MINDY4: variants seen among roughly 807,000 people sequenced by gnomAD.
MINDY4 encodes the protein MINDY lysine 48 deubiquitinase 4, also known as probable ubiquitin carboxyl-terminal hydrolase MINDY-4.
In MINDY4, 68 loss-of-function variants were observed where a neutral mutation model predicts 87.0. That is an observed-to-expected ratio of 0.78 (90% CI 0.64 to 0.96). The LOEUF (loss-of-function observed/expected upper bound fraction) is 0.96, where lower values mean the gene tolerates loss of function less well. MINDY4 is among the 40% of genes least tolerant of loss of function. The pLI is 0.00. For synonymous variants in MINDY4, 379 were observed against 363.2 expected (o/e 1.04, Z -0.50); for missense variants, 919 against 928.2 (o/e 0.99, Z 0.13).
chr7:30,818,695 G>T (rs1051825968), intron 5 of MINDY4, among the ~76,000 whole-genome samples: 1 of 152,190 alleles, frequency 6.6e-6, no homozygotes, highest in African/African-American at 2.4e-5. Context: ...GAACACATCA[G>T]TAAAACTCTT....
Position 30,791,216 on chromosome 7 carries a change from A to G in MINDY4, c.715A>G (p.Thr239Ala). 6.2e-7 allele frequency: 1 copy of G among 1,613,980 alleles called. No homozygotes were observed. Among genetic ancestry groups the G allele is most frequent in the Non-Finnish European group, 8.5e-7 (1 of 1,179,992 alleles). Reference sequence around the variant, plus strand: ...ACGGTCCTCACCGTCAAGCAGCTCCACCCAACCCCAAGAAGAGAGCCGGAA... The same window carrying G: ...ACGGTCCTCACCGTCAAGCAGCTCCGCCCAACCCCAAGAAGAGAGCCGGAA... ...LRRSSPSSSS[T>A]QPQEESRKVP... Residue 239 changes from threonine (T) to alanine (A), a missense_variant, in exon 5 of 18, where the codon ACC becomes GCC. Transcript: ENST00000265299.
chr7:30,852,758 A>G (rs549331047), intron 11 of MINDY4, among the ~76,000 whole-genome samples: 1 of 152,340 alleles, frequency 6.6e-6, no homozygotes, highest in South Asian at 2.1e-4. Context: ...ACATTTTTGT[A>G]TTTTGTAAAA....
At chr7:30,786,197 C>G in intron 4 of MINDY4, 1 of 625,418 alleles carries the variant, frequency 1.6e-6, no homozygotes, top group Non-Finnish European at 2.7e-6. Flanking sequence ...TCCTTTCCTG[C>G]CCTTAGCTTA....
At chr7:30,885,710 C>G (rs1388576140) in intron 17 of MINDY4, among the ~76,000 whole-genome samples, 5 of 149,890 alleles carry the variant, frequency 3.3e-5, no homozygotes, top group African/African-American at 5.0e-5. Flanking sequence ...GTGCCCACCC[C>G]CCCCCCAACC....
chr7:30,823,541 C>T lies in MINDY4; in HGVS notation c.1074-5138C>T, dbSNP rs548651087. Among the ~76,000 whole-genome samples, 21 of 152,242 alleles carry T rather than the reference C, an allele frequency of 1.4e-4. No homozygotes were observed. The South Asian group carries it at 4.4e-3, about 32-fold the overall frequency. Reference sequence around the variant, plus strand: ...TCAATATTTAATGTATCATCTATCACCATTGTTATATGCCCATTATTTCAA... The same window carrying T: ...TCAATATTTAATGTATCATCTATCATCATTGTTATATGCCCATTATTTCAA... On this transcript the variant is annotated intron_variant, in intron 5 of 17. Coordinates refer to ENST00000265299, the MANE Select transcript of MINDY4 (RefSeq NM_032222.3).
intron 17 of MINDY4, among the ~76,000 whole-genome samples, chr7:30,885,895 C>G (rs1160421111): frequency 6.6e-6 from 1 of 152,174 alleles, no homozygotes; most frequent in East Asian, 1.9e-4. Context: ...TTCCACTTCC[C>G]CCATCAATCC....
At chr7:30,866,962 C>T (rs950254676) in intron 13 of MINDY4, among the ~76,000 whole-genome samples, 2 of 152,228 alleles carry the variant, frequency 1.3e-5, no homozygotes, top group African/African-American at 2.4e-5. Context: ...TCTCCTCTTA[C>T]TGCTTTGAGA....
Position 30,872,231 on chromosome 7 carries a change from T to G in MINDY4, c.1746-12T>G. 1 of 1,613,976 alleles carries G rather than the reference T, an allele frequency of 6.2e-7. No homozygotes were observed. Among genetic ancestry groups the G allele is most frequent in the Non-Finnish European group, 8.5e-7 (1 of 1,179,910 alleles). On this transcript the variant is annotated splice_polypyrimidine_tract_variant and intron_variant, in intron 13 of 17. Coordinates refer to ENST00000265299, the MANE Select transcript of MINDY4 (RefSeq NM_032222.3). ...GCAGAGCTGTGCTAACAATGCTTCT[T>G]GTGTTTTCCAGCATCCGCCAGGACT...
intron 13 of MINDY4, among the ~76,000 whole-genome samples, chr7:30,870,214 C>A (rs373437905): frequency 6.6e-6 from 1 of 152,292 alleles, no homozygotes; most frequent in African/African-American, 2.4e-5. Context: ...CTCTCGAGCC[C>A]GCTGGGTGAA....
chr7:30,881,531 G>T (rs1030709896), intron 15 of MINDY4, among the ~76,000 whole-genome samples: 2 of 152,126 alleles, frequency 1.3e-5, no homozygotes, highest in African/African-American at 2.4e-5. Flanking sequence ...TGCAGTTCTA[G>T]TTCAAGTCCT....
At chr7:30,840,652 G>A in intron 8 of MINDY4, 108 bp from the exon 9 acceptor site, 1 of 827,926 alleles carries the variant, frequency 1.2e-6, no homozygotes, top group South Asian at 1.7e-5. Flanking sequence ...GTTGCAGAAG[G>A]CAGGGCCCCT....
chr7:30,803,214 C>G (rs1787709822), intron 5 of MINDY4: 1 of 152,266 alleles, frequency 6.6e-6, no homozygotes, highest in African/African-American at 2.4e-5. Flanking sequence ...AGAGAGTTGA[C>G]AGGCTACTTT....
At chr7:30,814,027 A>G (rs953218070) in intron 5 of MINDY4, among the ~76,000 whole-genome samples, 8 of 152,202 alleles carry the variant, frequency 5.3e-5, no homozygotes, top group African/African-American at 1.9e-4. Flanking sequence ...CCTTTGGGTC[A>G]TCCATTTGGT....
chr7:30,855,542 G>T (rs1415548320), intron 12 of MINDY4, among the ~76,000 whole-genome samples: 1 of 152,230 alleles, frequency 6.6e-6, no homozygotes, highest in Non-Finnish European at 1.5e-5. Flanking sequence ...GGGCTAAGGT[G>T]GAGCCTGAGG....
At position 30,791,361 on chromosome 7, in the gene MINDY4, C is replaced by CCAG; in HGVS notation, c.865_867dup (p.Ser289dup). 6.2e-7 allele frequency: 1 copy of CCAG among 1,614,142 alleles called. No individual in the cohort carries two copies. The highest frequency in any genetic ancestry group is 8.5e-7 in the Non-Finnish European group (1 of 1,180,004). ...ACCGTAGAAAGGCAGAAAACCACTG[C>CCAG]CAGCAGCCCTCCCCATCTGCCCAGC... On this transcript the variant is annotated inframe_insertion, in exon 5 of 18. Transcript: ENST00000265299.
rs1178609964 is a variant in MINDY4, at chr7:30,785,938, G to A, written c.609G>A (p.Lys203=). The part of the protein sequence containing the change: ...VKRMGENSRP[K]SGLIVRGMMS... The stretch of plus-strand genomic sequence containing the variant: ...GGATGGGAGAGAATTCCAGGCCAAA[G>A]TCTGGTCTGATTGTGCGAGGCATGA... The change falls in exon 4 of 18, where the codon AAG becomes AAA. Residue 203 remains lysine (K), a synonymous_variant. Transcript: ENST00000265299. 1 of 1,614,082 alleles carries A rather than the reference G, an allele frequency of 6.2e-7. No homozygotes were observed. Among genetic ancestry groups the A allele is most frequent in the Non-Finnish European group, 8.5e-7 (1 of 1,180,048 alleles).
At chr7:30,858,973 C>T (rs1464490386) in intron 12 of MINDY4, 1 of 670,508 alleles carries the variant, frequency 1.5e-6, no homozygotes, top group Non-Finnish European at 2.8e-6. Context: ...ATGGAGCTGG[C>T]CATGACTGTT....
rs140100692 is a variant in MINDY4, at chr7:30,831,281, G to T, written c.1132+2544G>T. Among the ~76,000 whole-genome samples, 141 of 152,144 alleles carry T rather than the reference G, an allele frequency of 9.3e-4. 1 individual carries two copies. The highest frequency in any genetic ancestry group is 3.1e-3 in the African/African-American group (127 of 41,488). Reference sequence around the variant, plus strand: ...CTCTGCTCTGAAAACCCTTGCACTCGTTCCTTTTTCAGCACTTACTAGGTT... The same window carrying T: ...CTCTGCTCTGAAAACCCTTGCACTCTTTCCTTTTTCAGCACTTACTAGGTT... On this transcript the variant is annotated intron_variant, in intron 6 of 17. Coordinates refer to ENST00000265299, the MANE Select transcript of MINDY4 (RefSeq NM_032222.3).
In MINDY4 at chr7:30,839,258, T is replaced by G. The variant is rs1788961156; in HGVS notation, c.1298T>G (p.Leu433Arg). The G allele has an allele frequency of 6.2e-7, 1 of 1,613,062 alleles. No individual in the cohort carries two copies. Among genetic ancestry groups the G allele is most frequent in the East Asian group, 2.2e-5 (1 of 44,864 alleles). ...SFCCFNEEWK[L>R]QSFSFSNTAS... ...TGCTGTTTCAATGAAGAATGGAAAC[T>G]TCAGAGTTTTTCCTTTAGTAACACA... Residue 433 changes from leucine to arginine, a missense_variant, in exon 8 of 18, where the codon CTT (leucine) becomes CGT (arginine). Transcript: ENST00000265299.
Sources: allele counts gnomAD v4.1 joint callset (sites outside exome capture counted in the v4.1 genomes callset), GRCh38; gene constraint gnomAD v4.1.1; transcripts MANE v1.5; gene names NCBI Gene and HGNC (gene_info 2026-07-23, HGNC 2026-07-21).